KARS1: variants seen among roughly 807,000 people sequenced by gnomAD.
The protein encoded by KARS1 is lysyl-tRNA synthetase 1.
A neutral mutation model predicts 63.9 loss-of-function variants in KARS1; 50 were observed. That is an observed-to-expected ratio of 0.78 (90% CI 0.62 to 0.99). The LOEUF (loss-of-function observed/expected upper bound fraction) is 0.99, where lower values mean the gene tolerates loss of function less well. Ranked by LOEUF, KARS1 falls within the 50% of genes least tolerant of loss-of-function variation. KARS1 has a pLI of 0.00. For synonymous variants in KARS1, 320 were observed against 264.6 expected, an observed-to-expected ratio of 1.21 and a Z score of -2.03; for missense variants, 816 against 754.5, an observed-to-expected ratio of 1.08 and a Z score of -0.95.
At chr16:75,636,587 G>C (rs1191621847) in intron 3 of KARS1, 40 bp from the exon 4 acceptor site, 1 of 1,275,150 alleles carries the variant, frequency 7.8e-7, no homozygotes, top group Non-Finnish European at 1.1e-6. Context: ...GACAGAACCA[G>C]AAGTCATTTT....
rs145525565 is a variant in KARS1 at position 75,630,627 on chromosome 16, TTTATTA to T, written c.1339-125_1339-120del. 4.6e-4 allele frequency: 174 copies of T among 381,004 alleles called. 1 individual carries two copies. The highest frequency in any genetic ancestry group is 3.5e-3 in the East Asian group (51 of 14,486). The allele number at this position is 381,004 out of a possible 1,614,324, so 23.6% of individuals were successfully genotyped here. On this transcript the variant is annotated intron_variant, in intron 10 of 13. Transcript: ENST00000302445. ...GGTTTATCCTATAGCTTTTTATTTA[TTTATTA>T]TTATTATTATTATTATTATTGAGAT... is the stretch of plus-strand genomic sequence containing the variant.
rs967190157 is a variant in KARS1 at position 75,635,479 on chromosome 16, C to A, written c.795+201G>T. The A allele has an allele frequency of 1.7e-5, 11 of 650,124 alleles. No individual in the cohort carries two copies. In the Admixed American group the frequency reaches 2.4e-4, roughly 14 times the overall value. 40.3% of individuals were successfully genotyped at this position (650,124 alleles called of 1,614,324 possible). A position where few individuals can be genotyped will look rare whatever the true frequency, so the allele number is the denominator to read the frequency against. On this transcript the variant is annotated intron_variant, in intron 6 of 13. Transcript: ENST00000302445. ...TCATTAGCATGTGGATGGCCCTATACCTTGTCCATTATCTTGGAAGTCAGG... is the reference window on the plus strand; with the variant it reads ...TCATTAGCATGTGGATGGCCCTATAACTTGTCCATTATCTTGGAAGTCAGG...
At chr16:75,636,343 T>C in intron 4 of KARS1, 111 bp downstream of exon 4, 3 of 851,984 alleles carry the variant, frequency 3.5e-6, no homozygotes, top group Admixed American at 1.7e-5. Flanking sequence ...TCCCCAACCA[T>C]GTCCCACTCC....
In KARS1 at chr16:75,641,611, TGTG is replaced by T. The variant is rs747572972; in HGVS notation, c.172_174del (p.His58del). On this transcript the variant is annotated inframe_deletion, in exon 2 of 14. Coordinates refer to ENST00000302445, the MANE Select transcript of KARS1 (RefSeq NM_005548.3). ...TCAGGACCCACACCATTATCAGTGG[TGTG>T]GTTGGTGGCAGCAGCAGTGGCTTGG... is the stretch of plus-strand genomic sequence containing the variant. 2 of 1,613,872 alleles carry T rather than the reference TGTG, an allele frequency of 1.2e-6. No individual in the cohort carries two copies. The highest frequency in any genetic ancestry group is 1.7e-6 in the Non-Finnish European group (2 of 1,180,022).
In KARS1 at chr16:75,629,462, G is replaced by T; in HGVS notation, c.1504C>A (p.Leu502Met). The T allele has an allele frequency of 6.2e-7, 1 of 1,614,188 alleles. No individual in the cohort carries two copies. Among genetic ancestry groups the T allele is most frequent in the Non-Finnish European group, 8.5e-7 (1 of 1,180,010 alleles). Residue 502 changes from leucine to methionine, a missense_variant, in exon 12 of 14, where the codon CTG becomes ATG. Coordinates refer to ENST00000302445, the MANE Select transcript of KARS1 (RefSeq NM_005548.3). ...KKEICNAYTE[L>M]NDPMRQRQLF... The stretch of plus-strand genomic sequence containing the variant: ...TGCCGCTGCCGCATGGGATCATTCA[G>T]CTCAGTATACGCATTGCATATCTCT...
At chr16:75,635,002 A>G (rs544702029) in intron 6 of KARS1, among the ~76,000 whole-genome samples, 1 of 152,376 alleles carries the variant, frequency 6.6e-6, no homozygotes, top group African/African-American at 2.4e-5. Context: ...TCCATCCTAC[A>G]GAAACATTTG....
chr16:75,636,806 C>CT lies in KARS1; in HGVS notation c.389-260dup, dbSNP rs896067290. On this transcript the variant is annotated intron_variant, in intron 3 of 13. Transcript: ENST00000302445. The stretch of plus-strand genomic sequence containing the variant: ...ACACCACCACACTCGGCTAATTTTT[C>CT]TTTTTTTTTTTAAAGTAGAGAGGGG... 6.4e-4 allele frequency among the ~76,000 whole-genome samples: 93 copies of CT among 144,726 alleles called. 1 individual carries two copies. The highest frequency in any genetic ancestry group is 3.6e-3 in the Middle Eastern group (1 of 280). The allele number at this position is 144,726 out of a possible 152,430, so 94.9% of individuals were successfully genotyped here.
chr16:75,641,165 A>AAAAAAC (rs895904901), intron 2 of KARS1, among the ~76,000 whole-genome samples: 8 of 151,770 alleles, frequency 5.3e-5, no homozygotes, highest in African/African-American at 9.7e-5. Flanking sequence ...CTTTGCCTCA[A>AAAAAAC]AAAAACAAAA....
At chr16:75,637,620 A>C (rs1291181184) in intron 3 of KARS1, among the ~76,000 whole-genome samples, 1 of 152,066 alleles carries the variant, frequency 6.6e-6, no homozygotes, top group Non-Finnish European at 1.5e-5. Context: ...TACTAAAAAA[A>C]AATACAGAAT....
At position 75,631,571 on chromosome 16, in the gene KARS1, G is replaced by A. The variant is rs777496301; in HGVS notation, c.1097C>T (p.Thr366Ile). The A allele has an allele frequency of 1.7e-5, 27 of 1,614,022 alleles. No individual in the cohort carries two copies. The Admixed American group carries it at 4.3e-4, about 26-fold the overall frequency. The change falls in exon 9 of 14, where the codon ACA becomes ATA. Residue 366 changes from threonine (T) to isoleucine (I), a missense_variant. Physicochemically the swap from Thr to Ile is moderately conservative, Grantham distance 89. Coordinates refer to ENST00000302445, the MANE Select transcript of KARS1 (RefSeq NM_005548.3). ...GTGGTAGGTGACCTTGTAACTGCCT[G>A]TAATATGCTTCACCATCCCTGGGAG... The part of the protein sequence containing the change: ...KMVSGMVKHI[T>I]GSYKVTYHPD...
chr16:75,637,959 A>T (rs1183451275), intron 3 of KARS1, among the ~76,000 whole-genome samples: 1 of 151,736 alleles, frequency 6.6e-6, no homozygotes, highest in Non-Finnish European at 1.5e-5. Flanking sequence ...GAACCAGGAA[A>T]TCTCAAAAAA....
intron 1 of KARS1, among the ~76,000 whole-genome samples, chr16:75,643,581 G>A (rs556181564): frequency 2.0e-5 from 3 of 152,176 alleles, no homozygotes; most frequent in South Asian, 2.1e-4. Context: ...GGGTTTCACC[G>A]TGTTAGCCAG....
chr16:75,642,266 A>T (rs775349429), intron 1 of KARS1, among the ~76,000 whole-genome samples: 1 of 138,180 alleles, frequency 7.2e-6, no homozygotes, highest in African/African-American at 2.6e-5. Flanking sequence ...TGCAGTCACA[A>T]TCTCAGCTTA....
chr16:75,638,143 T>C (rs1567502479), intron 3 of KARS1, among the ~76,000 whole-genome samples: 1 of 151,316 alleles, frequency 6.6e-6, no homozygotes. Flanking sequence ...AATGGAGAGA[T>C]AGAAGGAGAA....
intron 2 of KARS1, 132 bp downstream of exon 2, chr16:75,641,432 A>G: frequency 1.4e-6 from 1 of 735,194 alleles, no homozygotes. Flanking sequence ...ATGCAGTGGG[A>G]GACCCTCCCT....
chr16:75,631,303 T>C (rs779685501), intron 9 of KARS1, 50 bp from the exon 10 acceptor site: 6 of 1,587,822 alleles, frequency 3.8e-6, no homozygotes, highest in Non-Finnish European at 5.2e-6. Flanking sequence ...ACTAGCCAAG[T>C]AAAAATGTAC....
chr16:75,643,169 G>T (rs528572082), intron 1 of KARS1, among the ~76,000 whole-genome samples: 1 of 152,104 alleles, frequency 6.6e-6, no homozygotes, highest in Non-Finnish European at 1.5e-5. Context: ...TAAACAGATT[G>T]GTGTAGGGAG....
At chr16:75,635,269 C>G (rs2082150155) in intron 6 of KARS1, 2 of 308,242 alleles carry the variant, frequency 6.5e-6, no homozygotes, top group African/African-American at 4.3e-5. Context: ...GGATACATAT[C>G]AAACTCAAGT....
chr16:75,629,746 T>C (rs1030293789), intron 11 of KARS1, among the ~76,000 whole-genome samples: 2 of 152,196 alleles, frequency 1.3e-5, no homozygotes, highest in African/African-American at 4.8e-5. Context: ...CACAGGCCCA[T>C]GCCACTATGC....
Sources: gnomAD v4.1 joint callset for allele counts (sites outside exome capture counted in the v4.1 genomes callset) on GRCh38, gnomAD v4.1.1 for gene constraint, MANE v1.5 for transcripts, NCBI Gene and HGNC (gene_info 2026-07-23, HGNC 2026-07-21) for gene names.